Variants in CROCC observed in about 807,000 individuals in gnomAD.
CROCC encodes ciliary rootlet coiled-coil, rootletin.
CROCC carries 180 observed loss-of-function variants against 245.2 expected under a neutral mutation model. That is an observed-to-expected ratio of 0.73 (90% CI 0.65 to 0.83). CROCC has a LOEUF of 0.83. CROCC is among the 40% of genes least tolerant of loss of function. The probability of loss-of-function intolerance (pLI) is 0.00; values close to 1 mark genes in which losing one functional copy is unlikely to be tolerated. For synonymous variants in CROCC, 1,205 were observed against 1,241.6 expected (o/e 0.97, Z 0.62); for missense variants, 2,688 against 2,779.4 (o/e 0.97, Z 0.74).
At chr1:16,959,347 G>A (rs769946996) in intron 26 of CROCC, among the ~76,000 whole-genome samples, 1 of 152,094 alleles carries the variant, frequency 6.6e-6, no homozygotes, top group Admixed American at 6.6e-5. Flanking sequence ...ATTTTACAGA[G>A]CCCTCAGAGA....
chr1:16,924,370 AG>A lies in CROCC; in HGVS notation c.244del (p.Glu82ArgfsTer125). On this transcript the variant is annotated frameshift_variant, in exon 3 of 37. Coordinates refer to ENST00000375541, the MANE Select transcript of CROCC (RefSeq NM_014675.5). LOFTEE classifies it high-confidence loss of function. ...ATGGCATCGCTGCTGTCGCTGCAGG[AG>A]GAGAACCAGCTGCTGCAGCAGGAGC... ...TEMASLLSLQEENQLLQQELS... is the reference protein window; with the variant it reads ...TEMASLLSLQXENQLLQQELS... 1 of 1,613,254 alleles carries A rather than the reference AG, an allele frequency of 6.2e-7. No individual in the cohort carries two copies. Among genetic ancestry groups the A allele is most frequent in the Non-Finnish European group, 8.5e-7 (1 of 1,179,844 alleles).
In CROCC at chr1:16,970,625, C is replaced by T; in HGVS notation, c.5653-11C>T. On this transcript the variant is annotated splice_polypyrimidine_tract_variant and intron_variant, in intron 34 of 36. Transcript: ENST00000375541. ...CCTGGCACCCTGATCTCCTGTGGCT[C>T]TCCTGCCTAGGTGGAGCGGGAGAAG... is the stretch of plus-strand genomic sequence containing the variant. The T allele has an allele frequency of 6.5e-7, 1 of 1,530,764 alleles. No individual in the cohort carries two copies. Among genetic ancestry groups the T allele is most frequent in the Non-Finnish European group, 8.8e-7 (1 of 1,137,598 alleles). The allele number at this position is 1,530,764 out of a possible 1,614,324, so 94.8% of individuals were successfully genotyped here. A position where few individuals can be genotyped will look rare whatever the true frequency, so the allele number is the denominator to read the frequency against.
chr1:16,948,589 C>A, intron 18 of CROCC, 65 bp downstream of exon 18: 1 of 1,472,896 alleles, frequency 6.8e-7, no homozygotes, highest in Non-Finnish European at 9.0e-7. Flanking sequence ...CATGACCAGC[C>A]ACACGCAGGC....
rs762876230 is a variant in CROCC, at chr1:16,955,355, G to A, written c.3509G>A (p.Arg1170His). 3.9e-5 allele frequency: 63 copies of A among 1,608,172 alleles called. No homozygotes were observed. Among genetic ancestry groups the A allele is most frequent in the Non-Finnish European group, 4.7e-5 (56 of 1,179,690 alleles). The change falls in exon 24 of 37, where the codon CGT becomes CAT. Residue 1170 changes from arginine to histidine, a missense_variant. Around this residue, in one of 9 missense-constraint regions of CROCC, gnomAD observed 1,218 missense variants for 1,286.3 expected, o/e 0.95. Transcript: ENST00000375541. ...CAGCTGCGTCTGCTGGAGGATGCCC[G>A]TGACGGGCTGCGGCGGGAGCTGCTG... is the stretch of plus-strand genomic sequence containing the variant. ...RTQLRLLEDA[R>H]DGLRRELLEA... is the part of the protein sequence containing the mutation.
At chr1:16,918,301 T>TTC (rs55671220), upstream of CROCC, among the ~76,000 whole-genome samples, 37 of 4,574 alleles carry the variant, frequency 8.1e-3, no homozygotes, top group South Asian at 0.028. Context: ...GAATTCAGTC[T>TTC]TTTTTTTTTT....
Position 16,948,453 on chromosome 1 carries a change from T to C in CROCC, c.2637T>C (p.Ala879=). 6.4e-7 allele frequency: 1 copy of C among 1,561,818 alleles called. No individual in the cohort carries two copies. The highest frequency in any genetic ancestry group is 8.7e-7 in the Non-Finnish European group (1 of 1,154,696). Residue 879 remains alanine (A), a synonymous_variant, in exon 18 of 37, where the codon GCT becomes GCC. Coordinates refer to ENST00000375541, the MANE Select transcript of CROCC (RefSeq NM_014675.5). ...AGGAGGCGCTAGCCAAGGAGCACGC[T>C]GGCCTGGCTGTGCAGCTGGTGGCTG... ...REKEALAKEH[A]GLAVQLVAAE...
At chr1:16,941,903 T>C (rs1206603440) in intron 13 of CROCC, among the ~76,000 whole-genome samples, 1 of 152,264 alleles carries the variant, frequency 6.6e-6, no homozygotes, top group African/African-American at 2.4e-5. Flanking sequence ...GGTCTTGCTG[T>C]GTTGCCCAGG....
At chr1:16,951,189 C>T (rs2076154198) in intron 20 of CROCC, 67 bp downstream of exon 20, 1 of 1,348,244 alleles carries the variant, frequency 7.4e-7, no homozygotes, top group South Asian at 1.7e-5. Flanking sequence ...CTTGCTCTGC[C>T]TCGGTCTCTA....
Position 16,956,064 on chromosome 1 carries a change from G to A in CROCC, c.3772G>A (p.Gly1258Ser). The A allele has an allele frequency of 6.4e-7, 1 of 1,551,180 alleles. No homozygotes were observed. Among genetic ancestry groups the A allele is most frequent in the Non-Finnish European group, 8.7e-7 (1 of 1,147,014 alleles). ...ALLEEARTAVGKEAGELRTGL... is the reference protein window; with the variant it reads ...ALLEEARTAVSKEAGELRTGL... ...CCTAGAGGAGGCACGGACAGCTGTG[G>A]GCAAGGAGGCCGGGGAGCTGCGAAC... The change falls in exon 25 of 37, where the codon GGC (glycine) becomes AGC (serine). Residue 1258 changes from glycine (G) to serine (S), a missense_variant. Physicochemically the swap from Gly to Ser is moderately conservative, Grantham distance 56. Coordinates refer to ENST00000375541, the MANE Select transcript of CROCC (RefSeq NM_014675.5).
At chr1:16,918,746 T>TTTG (rs1553149669), upstream of CROCC, among the ~76,000 whole-genome samples, 11 of 150,882 alleles carry the variant, frequency 7.3e-5, no homozygotes, top group African/African-American at 2.7e-4. Context: ...TTGTTTTTGT[T>TTTG]TTTTTTTTGA....
At chr1:16,934,352 T>C (rs375287138) in intron 8 of CROCC, among the ~76,000 whole-genome samples, 1 of 152,320 alleles carries the variant, frequency 6.6e-6, no homozygotes, top group Non-Finnish European at 1.5e-5. Flanking sequence ...CAGGCTGGAG[T>C]GCAGTGGCAC....
At chr1:16,947,796 G>T (rs1228849213) in intron 17 of CROCC, among the ~76,000 whole-genome samples, 26 of 152,372 alleles carry the variant, frequency 1.7e-4, no homozygotes, top group African/African-American at 6.0e-4. Context: ...TCCCAGAGCT[G>T]AGTGAGGGCC....
chr1:16,948,472 G>A lies in CROCC; in HGVS notation c.2656G>A (p.Val886Met), dbSNP rs1570665952. The change falls in exon 18 of 37, where the codon GTG becomes ATG. Residue 886 changes from valine (V) to methionine (M), a missense_variant. Transcript: ENST00000375541. ...GCACGCTGGCCTGGCTGTGCAGCTG[G>A]TGGCTGCGGAGCGTGAAGGCAGGAC... ...KEHAGLAVQLVAAEREGRTLS... is the reference protein window; with the variant it reads ...KEHAGLAVQLMAAEREGRTLS... 14 of 1,557,034 alleles carry A rather than the reference G, an allele frequency of 9.0e-6. No individual in the cohort carries two copies. Among genetic ancestry groups the A allele is most frequent in the Admixed American group, 1.9e-5 (1 of 51,930 alleles).
At chr1:16,930,375 C>T (rs1334859487) in intron 6 of CROCC, 28 bp downstream of exon 6, 1 of 1,611,148 alleles carries the variant, frequency 6.2e-7, no homozygotes, top group Non-Finnish European at 8.5e-7. Flanking sequence ...AGGGCCAGGG[C>T]TGGCAGGATG....
upstream of CROCC, among the ~76,000 whole-genome samples, chr1:16,921,709 CCT>C (rs1363380545): frequency 6.6e-6 from 1 of 152,242 alleles, no homozygotes; most frequent in Non-Finnish European, 1.5e-5. Context: ...AGGTGTCTCC[CCT>C]GTTTCCTCCT....
In CROCC at chr1:16,962,805, G is replaced by A. The variant is rs1372410127; in HGVS notation, c.4405+1675G>A. On this transcript the variant is annotated intron_variant, in intron 27 of 36. Coordinates refer to ENST00000375541, the MANE Select transcript of CROCC (RefSeq NM_014675.5). Reference sequence around the variant, plus strand: ...GCTGGTCTCAAACTCCTGACCTCCAGTCGGGATGATCTGGGAACAGATGAT... The same window carrying A: ...GCTGGTCTCAAACTCCTGACCTCCAATCGGGATGATCTGGGAACAGATGAT... 2.6e-5 allele frequency among the ~76,000 whole-genome samples: 4 copies of A among 151,200 alleles called. No individual in the cohort carries two copies. The East Asian group carries it at 7.9e-4, about 30-fold the overall frequency.
chr1:16,950,905 G>A, intron 19 of CROCC, 48 bp from the exon 20 acceptor site: 2 of 1,454,448 alleles, frequency 1.4e-6, no homozygotes, highest in Admixed American at 2.6e-5. Context: ...CTGGCCCAAG[G>A]AAAAGTTTCA....
intron 27 of CROCC, among the ~76,000 whole-genome samples, chr1:16,962,966 G>A (rs546735454): frequency 3.3e-5 from 5 of 151,652 alleles, no homozygotes; most frequent in South Asian, 2.1e-4. Flanking sequence ...TGGATCACTC[G>A]AGGCCAGGAG....
At chr1:16,918,984 G>A (rs532888057), upstream of CROCC, among the ~76,000 whole-genome samples, 1 of 152,402 alleles carries the variant, frequency 6.6e-6, no homozygotes, top group South Asian at 2.1e-4. Context: ...TGATCGACCT[G>A]CCTCGGCATC....
Sources: allele counts gnomAD v4.1 joint callset (sites outside exome capture counted in the v4.1 genomes callset), GRCh38; gene constraint gnomAD v4.1.1; regional missense constraint gnomAD v4.1.1; transcripts MANE v1.5; gene names NCBI Gene and HGNC (gene_info 2026-07-23, HGNC 2026-07-21).